ARHGAP15: variants seen among roughly 807,000 people sequenced by gnomAD.
ARHGAP15 encodes the protein Rho GTPase activating protein 15.
In ARHGAP15, 51 loss-of-function variants were observed where a neutral mutation model predicts 63.7. That is an observed-to-expected ratio of 0.80 (90% confidence interval 0.64 to 1.01). The LOEUF (loss-of-function observed/expected upper bound fraction) is 1.01, where lower values mean the gene tolerates loss of function less well. ARHGAP15 is among the 50% of genes least tolerant of loss of function. ARHGAP15 has a pLI of 0.00. For synonymous variants in ARHGAP15, 191 were observed against 193.8 expected (o/e 0.99, Z 0.12); for missense variants, 560 against 564.6 (o/e 0.99, Z 0.08).
intron 6 of ARHGAP15, among the ~76,000 whole-genome samples, chr2:143,310,427 T>A (rs941811305): frequency 2.6e-5 from 4 of 152,012 alleles, no homozygotes; most frequent in African/African-American, 9.7e-5. Flanking sequence ...ACTGTTTCAA[T>A]TGAAAGGAAT....
chr2:143,348,491 A>C (rs1685403413), intron 6 of ARHGAP15, among the ~76,000 whole-genome samples: 1 of 152,172 alleles, frequency 6.6e-6, no homozygotes, highest in Admixed American at 6.6e-5. Context: ...TTCAATTGTT[A>C]ATGAAGAATA....
intron 12 of ARHGAP15, among the ~76,000 whole-genome samples, chr2:143,643,434 C>CA (rs1553516717): frequency 6.8e-6 from 1 of 147,822 alleles, no homozygotes; most frequent in Non-Finnish European, 1.5e-5. Context: ...CCCACCCCCC[C>CA]CCACCAAAAA....
intron 2 of ARHGAP15, among the ~76,000 whole-genome samples, chr2:143,171,335 A>G (rs891877430): frequency 6.6e-6 from 1 of 152,148 alleles, no homozygotes; most frequent in Non-Finnish European, 1.5e-5. Context: ...TTTCTAAAAT[A>G]GCCAGAATTC....
At chr2:143,338,728 C>A (rs904331148) in intron 6 of ARHGAP15, among the ~76,000 whole-genome samples, 1 of 151,904 alleles carries the variant, frequency 6.6e-6, no homozygotes, top group African/African-American at 2.4e-5. Flanking sequence ...GACTTTTGAC[C>A]CAGATGTCTA....
chr2:143,376,976 A>T (rs772803446), intron 6 of ARHGAP15, among the ~76,000 whole-genome samples: 2 of 152,158 alleles, frequency 1.3e-5, no homozygotes, highest in Non-Finnish European at 2.9e-5. Context: ...TTTGCTCAGT[A>T]AGTAATAAAC....
chr2:143,226,358 G>C lies in ARHGAP15; in HGVS notation c.297-2223G>C, dbSNP rs149863294. ...ATAGATAGGATGCAAATAAGGTATAGTGTCTCCTTGTGAGAATATGAAATG... is the reference window on the plus strand; with the variant it reads ...ATAGATAGGATGCAAATAAGGTATACTGTCTCCTTGTGAGAATATGAAATG... On this transcript the variant is annotated intron_variant, in intron 4 of 13. Transcript: ENST00000295095. 3.3e-3 allele frequency among the ~76,000 whole-genome samples: 502 copies of C among 152,284 alleles called. 7 individuals are homozygous for C. The highest frequency in any genetic ancestry group is 0.012 in the African/African-American group (479 of 41,564).
intron 6 of ARHGAP15, among the ~76,000 whole-genome samples, chr2:143,286,121 C>A (rs1682084639): frequency 6.6e-6 from 1 of 152,142 alleles, no homozygotes. Flanking sequence ...TTTGAGTTTA[C>A]AAAGTGCTTT....
chr2:143,533,967 G>A (rs945394140), intron 10 of ARHGAP15, among the ~76,000 whole-genome samples: 2 of 152,146 alleles, frequency 1.3e-5, no homozygotes, highest in African/African-American at 2.4e-5. Context: ...AAGACTTGTG[G>A]CATTGTTTGT....
chr2:143,601,984 C>A (rs1483275509), intron 11 of ARHGAP15, among the ~76,000 whole-genome samples: 2 of 152,112 alleles, frequency 1.3e-5, no homozygotes, highest in South Asian at 2.1e-4. Context: ...TCATTCTTTT[C>A]CTCTTTATTG....
chr2:143,320,349 C>T (rs996597002), intron 6 of ARHGAP15, among the ~76,000 whole-genome samples: 5 of 144,734 alleles, frequency 3.5e-5, no homozygotes, highest in African/African-American at 1.0e-4. Flanking sequence ...CCTAAAATGG[C>T]CGCAATGGGA....
At chr2:143,526,538 T>G (rs187109109) in intron 10 of ARHGAP15, among the ~76,000 whole-genome samples, 1 of 152,306 alleles carries the variant, frequency 6.6e-6, no homozygotes, top group Non-Finnish European at 1.5e-5. Context: ...CTTACCAAGA[T>G]GCAATACTCT....
intron 6 of ARHGAP15, among the ~76,000 whole-genome samples, chr2:143,302,142 G>T (rs1682934197): frequency 2.0e-5 from 3 of 151,790 alleles, no homozygotes; most frequent in African/African-American, 4.8e-5. Flanking sequence ...TTTTACATAG[G>T]CATGTTGAAA....
chr2:143,169,628 G>A (rs1290606857), intron 2 of ARHGAP15, among the ~76,000 whole-genome samples: 1 of 151,932 alleles, frequency 6.6e-6, no homozygotes, highest in Non-Finnish European at 1.5e-5. Flanking sequence ...ATGCCCCTGG[G>A]ACACACCCAG....
chr2:143,217,600 G>A (rs559639900), intron 4 of ARHGAP15, among the ~76,000 whole-genome samples: 8 of 152,084 alleles, frequency 5.3e-5, no homozygotes, highest in Non-Finnish European at 1.2e-4. Flanking sequence ...CCCCAGTGGT[G>A]AATTGGGCTT....
chr2:143,521,938 A>T (rs1694078969), intron 10 of ARHGAP15: 1 of 152,144 alleles, frequency 6.6e-6, no homozygotes, highest in African/African-American at 2.4e-5. Flanking sequence ...TCATTTATCC[A>T]TCCAGTCAGT....
At chr2:143,386,381 T>A (rs1687287636) in intron 6 of ARHGAP15, among the ~76,000 whole-genome samples, 1 of 152,152 alleles carries the variant, frequency 6.6e-6, no homozygotes, top group Non-Finnish European at 1.5e-5. Flanking sequence ...TGTTTTGTAG[T>A]TAAGGAATAC....
At chr2:143,513,628 C>T (rs979847233) in intron 9 of ARHGAP15, among the ~76,000 whole-genome samples, 1 of 152,214 alleles carries the variant, frequency 6.6e-6, no homozygotes, top group Admixed American at 6.5e-5. Context: ...ATCCAGCGAA[C>T]ATTTTTCATC....
rs117850185 is a variant in ARHGAP15 at position 143,599,218 on chromosome 2, A to T, written c.1004-24915A>T. Among the ~76,000 whole-genome samples the T allele has an allele frequency of 2.0e-4, 30 of 152,288 alleles. No individual in the cohort carries two copies. The East Asian group carries it at 5.6e-3, about 28-fold the overall frequency. Reference sequence around the variant, plus strand: ...TGTATTTGTCTATTCACCAAATGCTATATACCTAGATGCTTCTACAAGGAA... The same window carrying T: ...TGTATTTGTCTATTCACCAAATGCTTTATACCTAGATGCTTCTACAAGGAA... On this transcript the variant is annotated intron_variant, in intron 11 of 13. Transcript: ENST00000295095.
intron 10 of ARHGAP15, chr2:143,533,209 T>C (rs1004004484): frequency 2.0e-5 from 3 of 152,222 alleles, no homozygotes; most frequent in African/African-American, 7.2e-5. Context: ...CAGTAAATTT[T>C]TAGTTCATTT....
Sources: gnomAD v4.1 joint callset for allele counts (sites outside exome capture counted in the v4.1 genomes callset) on GRCh38, gnomAD v4.1.1 for gene constraint, MANE v1.5 for transcripts, NCBI Gene and HGNC (gene_info 2026-07-23, HGNC 2026-07-21) for gene names.